Variants in ERICH5 observed in about 807,000 individuals in gnomAD.
The protein encoded by ERICH5 is glutamate rich 5.
In ERICH5, 24 loss-of-function variants were observed where a neutral mutation model predicts 28.0. The observed-to-expected ratio is 0.86, with a 90% CI of 0.62 to 1.21. ERICH5 has a LOEUF of 1.21. Ranked by LOEUF, ERICH5 falls within the 50% of genes most tolerant of loss-of-function variation. The pLI, the probability that ERICH5 is intolerant of heterozygous loss-of-function variation, is 0.00. For missense variants in ERICH5, 421 were observed against 441.2 expected, an observed-to-expected ratio of 0.95 and a Z score of 0.41; for synonymous variants, 163 against 157.6, an observed-to-expected ratio of 1.03 and a Z score of -0.25.
At chr8:98,091,949 C>CTTTCTTCT (rs71271196) in intron 2 of ERICH5, among the ~76,000 whole-genome samples, 2 of 101,954 alleles carry the variant, frequency 2.0e-5, no homozygotes, top group Admixed American at 1.1e-4. Flanking sequence ...TTCTTTCTTT[C>CTTTCTTCT]TTCTTTCTTT....
At chr8:98,075,171 C>T (rs1167165902) in intron 1 of ERICH5, among the ~76,000 whole-genome samples, 28 of 152,124 alleles carry the variant, frequency 1.8e-4, no homozygotes, top group Admixed American at 1.7e-3. Context: ...TGACTTCTCA[C>T]TGCCCCCTAG....
intron 1 of ERICH5, among the ~76,000 whole-genome samples, chr8:98,066,527 TATC>T (rs2130503653): frequency 1.3e-5 from 2 of 152,352 alleles, no homozygotes; most frequent in South Asian, 2.1e-4. Context: ...AAAAATATTT[TATC>T]ATCAATATTA....
At chr8:98,086,563 G>A (rs1815283125) in intron 1 of ERICH5, among the ~76,000 whole-genome samples, 1 of 152,138 alleles carries the variant, frequency 6.6e-6, no homozygotes, top group South Asian at 2.1e-4. Context: ...CTTCATAGAA[G>A]ACACAGTCAT....
chr8:98,091,193 C>T (rs1204248149), intron 2 of ERICH5, among the ~76,000 whole-genome samples: 1 of 152,214 alleles, frequency 6.6e-6, no homozygotes, highest in East Asian at 1.9e-4. Context: ...GCCTCGGCCT[C>T]CCAAAGTGCC....
Position 98,064,713 on chromosome 8 carries a change from G to T in ERICH5, c.44G>T (p.Ser15Ile), listed in dbSNP as rs968365261. 14 of 1,533,946 alleles carry T rather than the reference G, an allele frequency of 9.1e-6. No individual in the cohort carries two copies. Among genetic ancestry groups the T allele is most frequent in the African/African-American group, 1.4e-5 (1 of 72,890 alleles). ...SSALNKAGDSSRFPSVTSNEH... is the reference protein window; with the variant it reads ...SSALNKAGDSIRFPSVTSNEH... ...GCCCTCAACAAGGCCGGCGACAGCA[G>T]CAGGTTCCCCAGCGGTGAGCAGGGT... The change falls in exon 1 of 3, where the codon AGC becomes ATC. Residue 15 changes from serine (S) to isoleucine (I), a missense_variant. By Grantham distance (142) the Ser-to-Ile change is moderately radical (BLOSUM62 -2). Transcript: ENST00000318528.
chr8:98,087,535 A>G (rs560845495), intron 1 of ERICH5, among the ~76,000 whole-genome samples: 3 of 152,288 alleles, frequency 2.0e-5, no homozygotes, highest in Non-Finnish European at 4.4e-5. Flanking sequence ...AAGATCCCCT[A>G]GAGACCCACT....
chr8:98,073,610 T>C (rs1814992363), intron 1 of ERICH5, among the ~76,000 whole-genome samples: 1 of 142,878 alleles, frequency 7.0e-6, no homozygotes, highest in African/African-American at 2.6e-5. Context: ...TGCTGTGATC[T>C]TGGCTTACTG....
At chr8:98,069,440 C>G (rs1015630224) in intron 1 of ERICH5, among the ~76,000 whole-genome samples, 3 of 151,500 alleles carry the variant, frequency 2.0e-5, no homozygotes, top group Non-Finnish European at 4.4e-5. Context: ...TTATTTCCTT[C>G]TCTCATCTTT....
chr8:98,088,023 A>G (rs1211818656), intron 1 of ERICH5, among the ~76,000 whole-genome samples: 2 of 152,140 alleles, frequency 1.3e-5, no homozygotes, highest in Non-Finnish European at 2.9e-5. Flanking sequence ...GGAGTTCAAG[A>G]TCAGCCTGGG....
At chr8:98,065,199 C>T (rs1814799214) in intron 1 of ERICH5, among the ~76,000 whole-genome samples, 1 of 152,188 alleles carries the variant, frequency 6.6e-6, no homozygotes, top group African/African-American at 2.4e-5. Context: ...ACCTGGGTAA[C>T]AAAGCGAGAT....
intron 1 of ERICH5, among the ~76,000 whole-genome samples, chr8:98,069,876 C>T (rs1814880502): frequency 6.6e-6 from 1 of 152,226 alleles, no homozygotes; most frequent in South Asian, 2.1e-4. Flanking sequence ...GACATTTGTG[C>T]AGCCACATCG....
chr8:98,068,191 G>T (rs968395097), intron 1 of ERICH5, among the ~76,000 whole-genome samples: 1 of 152,072 alleles, frequency 6.6e-6, no homozygotes, highest in Non-Finnish European at 1.5e-5. Context: ...GCAGCTACTA[G>T]TAGGTAGACA....
chr8:98,079,849 T>G (rs1311808082), intron 1 of ERICH5, among the ~76,000 whole-genome samples: 2 of 152,228 alleles, frequency 1.3e-5, no homozygotes, highest in African/African-American at 4.8e-5. Flanking sequence ...TACTTTTCCA[T>G]TATTTATCAA....
chr8:98,081,326 G>A lies in ERICH5; in HGVS notation c.59-7750G>A, dbSNP rs115729419. Among the ~76,000 whole-genome samples the A allele has an allele frequency of 6.6e-3, 1,009 of 152,048 alleles. 9 individuals carry two copies. Among genetic ancestry groups the A allele is most frequent in the African/African-American group, 0.022 (910 of 41,480 alleles). ...TCGCCATGTTGTCCAGGCAGGTCTCGAATTTCTGGGCTCAAGTGATCCACC... is the reference window on the plus strand; with the variant it reads ...TCGCCATGTTGTCCAGGCAGGTCTCAAATTTCTGGGCTCAAGTGATCCACC... On this transcript the variant is annotated intron_variant, in intron 1 of 2. Transcript: ENST00000318528.
intron 1 of ERICH5, among the ~76,000 whole-genome samples, chr8:98,084,292 A>G (rs1398964424): frequency 6.6e-6 from 1 of 151,964 alleles, no homozygotes; most frequent in East Asian, 1.9e-4. Context: ...AGTCATTTTT[A>G]CTTCTCATTT....
chr8:98,091,893 T>TTTC (rs1192266903), intron 2 of ERICH5, among the ~76,000 whole-genome samples: 1 of 69,950 alleles, frequency 1.4e-5, no homozygotes, highest in African/African-American at 5.3e-5. Flanking sequence ...TCTTTCTTTC[T>TTTC]TTCTTTCCTT....
In ERICH5 at chr8:98,073,446, ATATATATATATATGT is replaced by A. The variant is rs1814965966; in HGVS notation, c.58+8720_58+8734del. Among the ~76,000 whole-genome samples, 2 of 15,494 alleles carry A rather than the reference ATATATATATATATGT, an allele frequency of 1.3e-4. 1 individual carries two copies. The highest frequency in any genetic ancestry group is 8.1e-4 in the African/African-American group (2 of 2,474). 10.2% of individuals were successfully genotyped at this position (15,494 alleles called of 152,430 possible). A position where few individuals can be genotyped will look rare whatever the true frequency, so the allele number is the denominator to read the frequency against. On this transcript the variant is annotated intron_variant, in intron 1 of 2. Coordinates refer to ENST00000318528, the MANE Select transcript of ERICH5 (RefSeq NM_173549.3). Reference sequence around the variant, plus strand: ...TCTCTCTCTCTCTATATATATATATATATATATATATATGTATATATATATATATATATATATATG... The same window carrying A: ...TCTCTCTCTCTCTATATATATATATAATATATATATATATATATATATATG...
Position 98,077,925 on chromosome 8 carries a change from C to T in ERICH5, c.59-11151C>T, listed in dbSNP as rs559910023. 4.6e-5 allele frequency among the ~76,000 whole-genome samples: 7 copies of T among 152,248 alleles called. No individual in the cohort carries two copies. The South Asian group carries it at 1.2e-3, about 27-fold the overall frequency. On this transcript the variant is annotated intron_variant, in intron 1 of 2. Transcript: ENST00000318528. ...CATTAAGTTTATCATCCAACTTCAT[C>T]GCATTTACTTTGTGATGATCAAAAC...
intron 1 of ERICH5, among the ~76,000 whole-genome samples, chr8:98,065,893 T>A (rs951025664): frequency 2.6e-4 from 39 of 152,324 alleles, no homozygotes; most frequent in African/African-American, 8.7e-4. Flanking sequence ...CGGTGAGGAA[T>A]GCTTTTCAAA....
Sources: gnomAD v4.1 joint callset for allele counts (sites outside exome capture counted in the v4.1 genomes callset) on GRCh38, gnomAD v4.1.1 for gene constraint, MANE v1.5 for transcripts, NCBI Gene and HGNC (gene_info 2026-07-23, HGNC 2026-07-21) for gene names.